Variants in SH3RF3 observed in about 807,000 individuals in gnomAD.
SH3RF3 encodes the protein SH3 domain containing ring finger 3, also known as E3 ubiquitin-protein ligase SH3RF3.
Under a neutral mutation model 66.3 loss-of-function variants are expected in SH3RF3, and 29 were observed. The observed-to-expected ratio is 0.44, with a 90% CI of 0.33 to 0.60. The LOEUF is 0.60. Among genes scored for constraint, SH3RF3 ranks in the 20% least tolerant of loss-of-function variants. The probability of loss-of-function intolerance (pLI) is 0.04; values close to 1 mark genes in which losing one functional copy is unlikely to be tolerated. For synonymous variants in SH3RF3, 583 were observed against 532.0 expected (o/e 1.10, Z -1.32); for missense variants, 1,194 against 1,190.9 (o/e 1.00, Z -0.04).
chr2:109,416,368 G>T (rs535363785), intron 4 of SH3RF3, among the ~76,000 whole-genome samples: 1 of 151,898 alleles, frequency 6.6e-6, no homozygotes, highest in African/African-American at 2.4e-5. Context: ...GCTGAGGAGG[G>T]CAGATCACCT....
intron 1 of SH3RF3, among the ~76,000 whole-genome samples, chr2:109,233,400 A>G (rs983133050): frequency 1.4e-4 from 21 of 152,228 alleles, no homozygotes; most frequent in Admixed American, 1.1e-3. Flanking sequence ...GACCATCCCC[A>G]GCTGAATTCC....
At chr2:109,325,900 A>G (rs968423634) in intron 1 of SH3RF3, among the ~76,000 whole-genome samples, 1 of 152,250 alleles carries the variant, frequency 6.6e-6, no homozygotes, top group African/African-American at 2.4e-5. Flanking sequence ...AAGTATGCAT[A>G]GTGTTTCCAT....
chr2:109,203,431 G>T (rs1187897338), intron 1 of SH3RF3, among the ~76,000 whole-genome samples: 1 of 152,158 alleles, frequency 6.6e-6, no homozygotes, highest in East Asian at 1.9e-4. Flanking sequence ...GTGGTCAGGC[G>T]ATCACTGTAT....
intron 1 of SH3RF3, among the ~76,000 whole-genome samples, chr2:109,301,240 C>A (rs1399074865): frequency 6.6e-6 from 1 of 151,750 alleles, no homozygotes; most frequent in Non-Finnish European, 1.5e-5. Flanking sequence ...CTCTGTGCAC[C>A]GGGACTCAGA....
chr2:109,135,152 T>C (rs1369053985), intron 1 of SH3RF3, among the ~76,000 whole-genome samples: 1 of 152,192 alleles, frequency 6.6e-6, no homozygotes, highest in African/African-American at 2.4e-5. Context: ...TTTCTTCCCC[T>C]TGTACTTAGT....
In SH3RF3 at chr2:109,292,109, C is replaced by T. The variant is rs539091836; in HGVS notation, c.574-55565C>T. ...CGATCTCCTGACCTCGTGATCTGCC[C>T]GCCTCAGCCTCCCAAAGTGCTGGGA... On this transcript the variant is annotated intron_variant, in intron 1 of 9. Coordinates refer to ENST00000309415, the MANE Select transcript of SH3RF3 (RefSeq NM_001099289.3). Among the ~76,000 whole-genome samples, 4 of 152,302 alleles carry T rather than the reference C, an allele frequency of 2.6e-5. 1 individual carries two copies. Among genetic ancestry groups the T allele is most frequent in the South Asian group, 4.1e-4 (2 of 4,822 alleles).
intron 1 of SH3RF3, among the ~76,000 whole-genome samples, chr2:109,281,688 C>G (rs1680897359): frequency 6.6e-6 from 1 of 152,124 alleles, no homozygotes; most frequent in Non-Finnish European, 1.5e-5. Context: ...TTCTTAGATT[C>G]AGGGTAGAGG....
intron 5 of SH3RF3, among the ~76,000 whole-genome samples, chr2:109,421,046 A>G (rs1015103161): frequency 3.9e-5 from 6 of 152,178 alleles, no homozygotes; most frequent in African/African-American, 9.7e-5. Context: ...TACTACCTCC[A>G]TCTCCTGCCA....
intron 1 of SH3RF3, among the ~76,000 whole-genome samples, chr2:109,263,305 G>A (rs1335575061): frequency 6.6e-6 from 1 of 152,126 alleles, no homozygotes; most frequent in African/African-American, 2.4e-5. Flanking sequence ...AGCTTTCGTT[G>A]CTATTTTCTA....
intron 1 of SH3RF3, among the ~76,000 whole-genome samples, chr2:109,289,081 G>C (rs1048771220): frequency 6.6e-6 from 1 of 152,138 alleles, no homozygotes; most frequent in African/African-American, 2.4e-5. Context: ...TTATAACTGA[G>C]GAGCTGGCGT....
At chr2:109,211,670 A>C (rs1574506795) in intron 1 of SH3RF3, among the ~76,000 whole-genome samples, 1 of 135,920 alleles carries the variant, frequency 7.4e-6, no homozygotes, top group African/African-American at 2.8e-5. Flanking sequence ...TTTGAGATGG[A>C]GTCTCGCTCT....
chr2:109,272,557 A>C (rs1380618650), intron 1 of SH3RF3, among the ~76,000 whole-genome samples: 1 of 152,180 alleles, frequency 6.6e-6, no homozygotes, highest in East Asian at 1.9e-4. Flanking sequence ...GATGATGTCT[A>C]CTTGGGCTGA....
At chr2:109,449,578 A>G (rs1354904623) in intron 8 of SH3RF3, 89 bp downstream of exon 8, 2 of 1,472,368 alleles carry the variant, frequency 1.4e-6, no homozygotes, top group Non-Finnish European at 1.8e-6. Flanking sequence ...CATTTGTGCA[A>G]TTGAAGCTAG....
intron 7 of SH3RF3, among the ~76,000 whole-genome samples, chr2:109,441,509 G>A (rs750399900): frequency 6.6e-6 from 1 of 152,196 alleles, no homozygotes; most frequent in African/African-American, 2.4e-5. Context: ...GGAACACAGA[G>A]ATAAAAGACA....
At chr2:109,407,320 A>C (rs1417509603) in intron 4 of SH3RF3, among the ~76,000 whole-genome samples, 1 of 152,222 alleles carries the variant, frequency 6.6e-6, no homozygotes, top group Non-Finnish European at 1.5e-5. Flanking sequence ...GAGAACATCA[A>C]AAGACAGCAT....
chr2:109,157,002 GACATATT>G (rs1677362509), intron 1 of SH3RF3, among the ~76,000 whole-genome samples: 1 of 152,170 alleles, frequency 6.6e-6, no homozygotes, highest in Admixed American at 6.5e-5. Context: ...ACACATAAAT[GACATATT>G]ACTCCAGGTC....
intron 1 of SH3RF3, among the ~76,000 whole-genome samples, chr2:109,240,354 G>A (rs921805117): frequency 6.6e-6 from 1 of 152,122 alleles, no homozygotes; most frequent in African/African-American, 2.4e-5. Context: ...CAGGTGTGGT[G>A]GCTCATGCCT....
intron 1 of SH3RF3, among the ~76,000 whole-genome samples, chr2:109,229,439 T>C (rs1329804771): frequency 6.6e-6 from 1 of 152,212 alleles, no homozygotes; most frequent in Non-Finnish European, 1.5e-5. Context: ...ACAGCTGTCA[T>C]GTCTCCATGG....
rs535844121 is a variant in SH3RF3 at position 109,275,524 on chromosome 2, T to C, written c.574-72150T>C. Among the ~76,000 whole-genome samples, 11 of 152,256 alleles carry C rather than the reference T, an allele frequency of 7.2e-5. No individual in the cohort carries two copies. In the South Asian group the frequency reaches 2.3e-3, roughly 32 times the overall value. ...TTGTAGATTGTTCCCGATGACCTAGTTGACTAGAAAGCGTCACAGGAAATG... is the reference window on the plus strand; with the variant it reads ...TTGTAGATTGTTCCCGATGACCTAGCTGACTAGAAAGCGTCACAGGAAATG... On this transcript the variant is annotated intron_variant, in intron 1 of 9. Transcript: ENST00000309415.
Sources: allele counts gnomAD v4.1 joint callset (sites outside exome capture counted in the v4.1 genomes callset), GRCh38; gene constraint gnomAD v4.1.1; transcripts MANE v1.5; gene names NCBI Gene and HGNC (gene_info 2026-07-23, HGNC 2026-07-21).